The following ZNF724 variants were observed in gnomAD, a reference collection of about 807,000 sequenced individuals.
The protein encoded by ZNF724 is zinc finger protein 724, also known as zinc finger protein 724 pseudogene.
In ZNF724, 14 loss-of-function variants were observed where a neutral mutation model predicts 29.3. The observed-to-expected ratio is 0.48, with a 90% CI of 0.32 to 0.75. ZNF724 has a LOEUF of 0.75. Ranked by LOEUF, ZNF724 falls within the 30% of genes least tolerant of loss-of-function variation. ZNF724 has a pLI of 0.04. For synonymous variants in ZNF724, 180 were observed against 193.6 expected (o/e 0.93, Z 0.58); for missense variants, 557 against 571.2 (o/e 0.98, Z 0.25).
In ZNF724 at chr19:23,247,829, T is replaced by A. The variant is rs182736931; in HGVS notation, c.3+2411A>T. On this transcript the variant is annotated intron_variant, in intron 1 of 3. Coordinates refer to ENST00000418100, the MANE Select transcript of ZNF724 (RefSeq NM_001355404.2). ...AAACAATCTTAATGTCTCAAAGGGTTAGCTTTTCAAAGGAAGAATACACCA... is the reference window on the plus strand; with the variant it reads ...AAACAATCTTAATGTCTCAAAGGGTAAGCTTTTCAAAGGAAGAATACACCA... 3.1e-3 allele frequency among the ~76,000 whole-genome samples: 476 copies of A among 152,310 alleles called. 1 individual carries two copies. Among genetic ancestry groups the A allele is most frequent in the Non-Finnish European group, 4.9e-3 (332 of 68,026 alleles).
At position 23,222,772 on chromosome 19, in the gene ZNF724, T is replaced by C; in HGVS notation, c.1473A>G (p.Ser491=). 2 of 1,409,358 alleles carry C rather than the reference T, an allele frequency of 1.4e-6. No homozygotes were observed. The highest frequency in any genetic ancestry group is 2.0e-6 in the Non-Finnish European group (2 of 1,002,364). 87.3% of individuals were successfully genotyped at this position (1,409,358 alleles called of 1,614,324 possible). Residue 491 remains serine, a synonymous_variant, in exon 4 of 4, where the codon TCA becomes TCG. Coordinates refer to ENST00000418100, the MANE Select transcript of ZNF724 (RefSeq NM_001355404.2). Reference sequence around the variant, plus strand: ...GAATTTTCTTATGTGTTGTAAGGTGTGAGGATAGGTTAAAAGCTTTGCCAC... The same window carrying C: ...GAATTTTCTTATGTGTTGTAAGGTGCGAGGATAGGTTAAAAGCTTTGCCAC... ...EECGKAFNLS[S]HLTTHKKIHT...
At chr19:23,249,404 CTTT>C (rs34604063) in intron 1 of ZNF724, among the ~76,000 whole-genome samples, 2 of 146,110 alleles carry the variant, frequency 1.4e-5, no homozygotes, top group African/African-American at 5.0e-5. Flanking sequence ...CTATGCCCGG[CTTT>C]TTTTTTTTGA....
At chr19:23,235,709 G>T (rs940235952) in intron 1 of ZNF724, among the ~76,000 whole-genome samples, 4 of 152,130 alleles carry the variant, frequency 2.6e-5, no homozygotes, top group Non-Finnish European at 5.9e-5. Context: ...GTGACTGGAA[G>T]CCTGAGAGGA....
At chr19:23,227,353 G>A (rs911327691) in intron 3 of ZNF724, among the ~76,000 whole-genome samples, 18 of 151,684 alleles carry the variant, frequency 1.2e-4, no homozygotes, top group African/African-American at 4.1e-4. Flanking sequence ...TCAGGAGTTC[G>A]AGACCAGCCT....
At chr19:23,224,089 T>C (rs1971778096) in intron 3 of ZNF724, 71 bp from the exon 4 acceptor site, 2 of 585,592 alleles carry the variant, frequency 3.4e-6, no homozygotes, top group South Asian at 4.6e-5. Context: ...ACATCTAACC[T>C]ACAAAACTAT....
intron 3 of ZNF724, among the ~76,000 whole-genome samples, chr19:23,227,555 C>CAAAAAAAAAA (rs1370441801): frequency 0.024 from 1,814 of 75,332 alleles, 169 homozygotes; most frequent in Middle Eastern, 0.053. Flanking sequence ...GGCTCCATCT[C>CAAAAAAAAAA]AAAAAAAAAA....
intron 1 of ZNF724, among the ~76,000 whole-genome samples, chr19:23,248,915 A>C (rs932750308): frequency 1.3e-5 from 2 of 152,100 alleles, no homozygotes; most frequent in East Asian, 3.9e-4. Flanking sequence ...GAATCACTTG[A>C]ACCCGGGAGG....
chr19:23,223,356 G>C lies in ZNF724; in HGVS notation c.889C>G (p.Leu297Val). Residue 297 changes from leucine (L) to valine (V), a missense_variant, in exon 4 of 4, where the codon CTT (leucine) becomes GTT (valine). Transcript: ENST00000418100. ...GCATGAATTATCTTATGTCTAGTAA[G>C]GGTTGATGATTGGTTAAAAGCTTTG... ...CGKAFNQSST[L>V]TRHKIIHAGE... 1 of 769,346 alleles carries C rather than the reference G, an allele frequency of 1.3e-6. No homozygotes were observed. Among genetic ancestry groups the C allele is most frequent in the Non-Finnish European group, 2.4e-6 (1 of 413,302 alleles). 47.7% of individuals were successfully genotyped at this position (769,346 alleles called of 1,614,324 possible).
intron 1 of ZNF724, among the ~76,000 whole-genome samples, chr19:23,238,061 CTACTT>C (rs143594131): frequency 0.014 from 2,072 of 152,238 alleles, 60 homozygotes; most frequent in African/African-American, 0.047. Flanking sequence ...AAATCTGTAT[CTACTT>C]TAAGAGACTG....
At chr19:23,232,470 G>A (rs910787755) in intron 1 of ZNF724, among the ~76,000 whole-genome samples, 177 bp from the exon 2 acceptor site, 6 of 152,132 alleles carry the variant, frequency 3.9e-5, no homozygotes, top group African/African-American at 7.2e-5. Flanking sequence ...CTAACTCTGA[G>A]AAAAGACTAG....
At chr19:23,241,897 GAGAA>G (rs1972130670) in intron 1 of ZNF724, among the ~76,000 whole-genome samples, 1 of 151,354 alleles carries the variant, frequency 6.6e-6, no homozygotes, top group South Asian at 2.1e-4. Flanking sequence ...AATCAGGCAA[GAGAA>G]AGAAAGAAAA....
intron 1 of ZNF724, among the ~76,000 whole-genome samples, chr19:23,248,506 A>C (rs2145798736): frequency 6.6e-6 from 1 of 152,192 alleles, no homozygotes; most frequent in South Asian, 2.1e-4. Flanking sequence ...AAAATAGTTA[A>C]GTGCCAGGCA....
chr19:23,243,490 A>AT lies in ZNF724; in HGVS notation c.3+6749_3+6750insA, dbSNP rs1568345919. Among the ~76,000 whole-genome samples the AT allele has an allele frequency of 5.1e-4, 74 of 146,158 alleles. 1 individual carries two copies. The highest frequency in any genetic ancestry group is 1.9e-3 in the African/African-American group (70 of 36,724). On this transcript the variant is annotated intron_variant, in intron 1 of 3. Transcript: ENST00000418100. ...GAGTCCATCTCAAAAAAAAAAAAAAAAAAAAAAAAAAGGTAAACTGATGCA... is the reference window on the plus strand; with the variant it reads ...GAGTCCATCTCAAAAAAAAAAAAAAATAAAAAAAAAAAGGTAAACTGATGCA...
chr19:23,241,723 T>C (rs1020623240), intron 1 of ZNF724, among the ~76,000 whole-genome samples: 5 of 152,158 alleles, frequency 3.3e-5, no homozygotes, highest in Non-Finnish European at 5.9e-5. Context: ...AAACTAAGCA[T>C]TGAAGATACA....
intron 2 of ZNF724, 53 bp from the exon 3 acceptor site, chr19:23,231,414 G>A (rs1442676898): frequency 2.5e-6 from 3 of 1,178,142 alleles, no homozygotes; most frequent in African/African-American, 1.5e-5. Flanking sequence ...TTTAAATAAT[G>A]TGCTCAGTAA....
intron 2 of ZNF724, among the ~76,000 whole-genome samples, chr19:23,231,624 C>T (rs1013070888): frequency 6.6e-6 from 1 of 152,000 alleles, no homozygotes; most frequent in African/African-American, 2.4e-5. Context: ...GGAATTACCA[C>T]TAATTTAGAG....
rs980282516 is a variant in ZNF724, at chr19:23,223,777, T to G, written c.468A>C (p.Lys156Asn). 5 of 767,042 alleles carry G rather than the reference T, an allele frequency of 6.5e-6. No homozygotes were observed. The highest frequency in any genetic ancestry group is 1.2e-5 in the Non-Finnish European group (5 of 411,538). 47.5% of individuals were successfully genotyped at this position (767,042 alleles called of 1,614,324 possible). A position where few individuals can be genotyped will look rare whatever the true frequency, so the allele number is the denominator to read the frequency against. Residue 156 changes from lysine (K) to asparagine (N), a missense_variant, in exon 4 of 4, where the codon AAA (lysine) becomes AAC (asparagine). Lys to Asn is a moderately conservative substitution (Grantham distance 94). Transcript: ENST00000418100. The stretch of plus-strand genomic sequence containing the variant: ...TCTTATGTCTATTTGAATTTGAAAA[T>G]TTATGAAAGTCTTTCACATATTTAT... ...QCDKYVKDFHKFSNSNRHKTE... is the reference protein window; with the variant it reads ...QCDKYVKDFHNFSNSNRHKTE...
chr19:23,229,818 TCA>T (rs1352989180), intron 3 of ZNF724, among the ~76,000 whole-genome samples: 4 of 151,666 alleles, frequency 2.6e-5, no homozygotes, highest in Non-Finnish European at 4.4e-5. Context: ...TTCTTGAAAT[TCA>T]CAGACACCAG....
At chr19:23,229,808 T>G (rs1447714952) in intron 3 of ZNF724, among the ~76,000 whole-genome samples, 2 of 46,984 alleles carry the variant, frequency 4.3e-5, no homozygotes, top group East Asian at 3.7e-3. Context: ...AGGTGTTTGT[T>G]TCTTGAAATT....
Sources: gnomAD v4.1 joint callset for allele counts (sites outside exome capture counted in the v4.1 genomes callset) on GRCh38, gnomAD v4.1.1 for gene constraint, MANE v1.5 for transcripts, NCBI Gene and HGNC (gene_info 2026-07-23, HGNC 2026-07-21) for gene names.